SCNN1B: variants seen among roughly 807,000 people sequenced by gnomAD.
SCNN1B encodes the protein epithelial sodium channel subunit beta.
A neutral mutation model predicts 65.3 loss-of-function variants in SCNN1B; 46 were observed. The observed-to-expected ratio is 0.70, with a 90% CI of 0.56 to 0.90. The LOEUF (loss-of-function observed/expected upper bound fraction) is 0.90. SCNN1B is among the 40% of genes least tolerant of loss of function. The probability of loss-of-function intolerance (pLI) is 0.00; values close to 1 mark genes in which losing one functional copy is unlikely to be tolerated. For missense variants in SCNN1B, 751 were observed against 830.5 expected (o/e 0.90, Z 1.18); for synonymous variants, 349 against 330.6 (o/e 1.06, Z -0.60).
intron 4 of SCNN1B, among the ~76,000 whole-genome samples, chr16:23,360,556 T>C (rs921257090): frequency 1.3e-5 from 2 of 148,828 alleles, no homozygotes; most frequent in Non-Finnish European, 3.0e-5. Context: ...GAGTAAAATA[T>C]AGAGAGAGAG....
intron 10 of SCNN1B, 150 bp from the exon 11 acceptor site, chr16:23,378,556 G>A (rs1049579791): frequency 1.5e-4 from 109 of 739,716 alleles, no homozygotes; most frequent in East Asian, 1.1e-3. Flanking sequence ...CTTCCACTAC[G>A]ACCTTCCTCC....
chr16:23,321,243 T>A (rs1596833372), intron 1 of SCNN1B, among the ~76,000 whole-genome samples: 1 of 152,092 alleles, frequency 6.6e-6, no homozygotes, highest in South Asian at 2.1e-4. Flanking sequence ...GGTTTCACCA[T>A]GTTGGCCAGG....
intron 4 of SCNN1B, among the ~76,000 whole-genome samples, chr16:23,367,574 A>C (rs1345305871): frequency 6.6e-6 from 1 of 152,244 alleles, no homozygotes; most frequent in Non-Finnish European, 1.5e-5. Flanking sequence ...CTAGGATTAC[A>C]GGCGTGAGCC....
intron 2 of SCNN1B, among the ~76,000 whole-genome samples, chr16:23,296,208 C>A (rs549224223): frequency 6.6e-6 from 1 of 152,202 alleles, no homozygotes; most frequent in South Asian, 2.1e-4. Context: ...GAGGCCCAGG[C>A]TGGGTATGGG....
intron 1 of SCNN1B, among the ~76,000 whole-genome samples, chr16:23,315,518 T>C (rs1207971118): frequency 6.6e-6 from 1 of 152,156 alleles, no homozygotes; most frequent in African/African-American, 2.4e-5. Flanking sequence ...AGAACAGGCA[T>C]GGGAGCCTAG....
At chr16:23,371,515 C>T in intron 6 of SCNN1B, 53 bp downstream of exon 6, 1 of 1,568,830 alleles carries the variant, frequency 6.4e-7, no homozygotes, top group East Asian at 2.3e-5. Flanking sequence ...GGGAGCCCAC[C>T]TGTCCAGGGC....
At chr16:23,314,583 C>A (rs2141988067) in intron 1 of SCNN1B, among the ~76,000 whole-genome samples, 2 of 152,266 alleles carry the variant, frequency 1.3e-5, no homozygotes, top group Admixed American at 1.3e-4. Flanking sequence ...CTCTCCTCAG[C>A]TTCTTGGTGT....
intron 5 of SCNN1B, among the ~76,000 whole-genome samples, chr16:23,370,468 G>T (rs1184195073): frequency 6.6e-6 from 1 of 152,166 alleles, no homozygotes. Flanking sequence ...TGCTCAACTA[G>T]CCCTTATTGT....
chr16:23,278,417 T>C (rs1226643539), intron 1 of SCNN1B: 1 of 152,196 alleles, frequency 6.6e-6, no homozygotes, highest in Non-Finnish European at 1.5e-5. Flanking sequence ...AGTTTTGTTT[T>C]GTTTTGCTTT....
intron 2 of SCNN1B, among the ~76,000 whole-genome samples, chr16:23,285,639 C>A (rs559818114): frequency 6.7e-6 from 1 of 149,032 alleles, no homozygotes; most frequent in Non-Finnish European, 1.5e-5. Flanking sequence ...TTTTAATTAG[C>A]AAGAGTAAAA....
chr16:23,290,991 A>G (rs1960915956), intron 2 of SCNN1B, among the ~76,000 whole-genome samples: 1 of 152,142 alleles, frequency 6.6e-6, no homozygotes, highest in Non-Finnish European at 1.5e-5. Flanking sequence ...TTAATTACCT[A>G]AGTGATATCT....
At chr16:23,322,379 C>A (rs1408615994) in intron 1 of SCNN1B, among the ~76,000 whole-genome samples, 1 of 152,184 alleles carries the variant, frequency 6.6e-6, no homozygotes, top group African/African-American at 2.4e-5. Context: ...CGGGTCACTG[C>A]AGCCTCGACC....
intron 1 of SCNN1B, among the ~76,000 whole-genome samples, chr16:23,332,671 T>C (rs1466638037): frequency 1.3e-5 from 2 of 152,126 alleles, no homozygotes; most frequent in Non-Finnish European, 2.9e-5. Flanking sequence ...TAATCCCACA[T>C]ATAGGCATTG....
rs144142075 is a variant in SCNN1B at position 23,348,653 on chromosome 16, C to T, written c.54C>T (p.Pro18=). The change falls in exon 2 of 13, where the codon CCC becomes CCT. Residue 18 remains proline, a synonymous_variant. Transcript: ENST00000343070. This position sits in a 1 kb window ranked among gnomAD's most constrained non-coding sequence, Gnocchi z 4.5. ...GCCTGCATCGGCTGCAGAAGGGCCCCGGCTACACGTACAAGGAGCTGCTGG... is the reference window on the plus strand; with the variant it reads ...GCCTGCATCGGCTGCAGAAGGGCCCTGGCTACACGTACAAGGAGCTGCTGG... ...LKGLHRLQKG[P]GYTYKELLVW... 3.5e-5 allele frequency: 57 copies of T among 1,613,518 alleles called. No homozygotes were observed. Among genetic ancestry groups the T allele is most frequent in the South Asian group, 3.1e-4 (28 of 91,046 alleles).
At chr16:23,289,899 C>A (rs371668280) in intron 2 of SCNN1B, among the ~76,000 whole-genome samples, 1 of 152,064 alleles carries the variant, frequency 6.6e-6, no homozygotes, top group East Asian at 1.9e-4. Context: ...TGGTCTCGAA[C>A]TCCTGATCTC....
intron 4 of SCNN1B, among the ~76,000 whole-genome samples, chr16:23,366,815 C>T (rs920828622): frequency 6.6e-6 from 1 of 152,220 alleles, no homozygotes; most frequent in East Asian, 1.9e-4. Context: ...TAAGCCACCG[C>T]TCCCAACCTC....
intron 1 of SCNN1B, among the ~76,000 whole-genome samples, chr16:23,321,305 G>A (rs1378885671): frequency 6.6e-6 from 1 of 152,142 alleles, no homozygotes; most frequent in Non-Finnish European, 1.5e-5. Context: ...GCCTCCCGAA[G>A]TGCTGTGATT....
intron 2 of SCNN1B, among the ~76,000 whole-genome samples, chr16:23,350,756 T>G (rs1402335375): frequency 6.6e-6 from 1 of 151,522 alleles, no homozygotes; most frequent in Non-Finnish European, 1.5e-5. Flanking sequence ...CTACTAAAAA[T>G]ACAAAAATTA....
At chr16:23,320,293 G>A (rs939779156) in intron 1 of SCNN1B, among the ~76,000 whole-genome samples, 8 of 152,168 alleles carry the variant, frequency 5.3e-5, no homozygotes, top group Admixed American at 3.9e-4. Flanking sequence ...AGAGGCCTCG[G>A]GGGAAGACTG....
Sources: allele counts gnomAD v4.1 joint callset (sites outside exome capture counted in the v4.1 genomes callset), GRCh38; gene constraint gnomAD v4.1.1; non-coding constraint Gnocchi (gnomAD v3.1); transcripts MANE v1.5; gene names NCBI Gene and HGNC (gene_info 2026-07-23, HGNC 2026-07-21).